ASTN2: variants seen among roughly 807,000 people sequenced by gnomAD.
ASTN2 encodes astrotactin-2.
ASTN2 carries 54 observed loss-of-function variants against 139.8 expected under a neutral mutation model. The observed-to-expected ratio is 0.39, with a 90% CI of 0.31 to 0.48. ASTN2 has a LOEUF of 0.48. Among genes scored for constraint, ASTN2 ranks in the 20% least tolerant of loss-of-function variants. The pLI is 0.95. For missense variants in ASTN2, 1,565 were observed against 1,725.1 expected (o/e 0.91, Z 1.64); for synonymous variants, 756 against 719.5 (o/e 1.05, Z -0.81).
intron 20 of ASTN2, among the ~76,000 whole-genome samples, chr9:116,486,619 A>C (rs1392976892): frequency 6.6e-6 from 1 of 152,216 alleles, no homozygotes; most frequent in Non-Finnish European, 1.5e-5. Context: ...GAGGTGAGCT[A>C]TCATTCCATA....
chr9:116,477,960 G>C (rs1849042297), intron 20 of ASTN2, among the ~76,000 whole-genome samples: 1 of 150,786 alleles, frequency 6.6e-6, no homozygotes, highest in East Asian at 2.0e-4. Context: ...CCAAGAAAGA[G>C]AGAACAAGAA....
chr9:117,286,108 A>T (rs1281585891), intron 2 of ASTN2, among the ~76,000 whole-genome samples: 2 of 152,202 alleles, frequency 1.3e-5, no homozygotes, highest in Admixed American at 1.3e-4. Context: ...GGAGAGGAGG[A>T]AAGAGTAGAA....
intron 5 of ASTN2, among the ~76,000 whole-genome samples, chr9:117,043,907 C>CAAAAAAAAAAAA (rs10713427): frequency 8.4e-6 from 1 of 119,342 alleles, no homozygotes; most frequent in African/African-American, 3.2e-5. Flanking sequence ...GACTCTGTCT[C>CAAAAAAAAAAAA]AAAAAAAAAA....
intron 13 of ASTN2, among the ~76,000 whole-genome samples, chr9:116,749,836 C>T (rs1046412275): frequency 2.6e-5 from 4 of 152,138 alleles, no homozygotes; most frequent in African/African-American, 9.7e-5. Flanking sequence ...TGGCACCTCC[C>T]CTTCTCTCTC....
intron 3 of ASTN2, among the ~76,000 whole-genome samples, chr9:117,200,968 T>A (rs1203484091): frequency 6.6e-6 from 1 of 150,862 alleles, no homozygotes; most frequent in African/African-American, 2.4e-5. Flanking sequence ...TCTGATAGAA[T>A]TCAGCTATGA....
At chr9:117,055,101 C>T (rs899106879) in intron 5 of ASTN2, among the ~76,000 whole-genome samples, 1 of 152,206 alleles carries the variant, frequency 6.6e-6, no homozygotes, top group African/African-American at 2.4e-5. Context: ...GGCTGCTGAC[C>T]AGTACCAGTC....
At chr9:116,863,269 A>G (rs1832938291) in intron 11 of ASTN2, among the ~76,000 whole-genome samples, 1 of 152,226 alleles carries the variant, frequency 6.6e-6, no homozygotes. Flanking sequence ...CACAGAGGTA[A>G]GGCATGCCCT....
intron 10 of ASTN2, among the ~76,000 whole-genome samples, chr9:116,921,679 G>A (rs1377314554): frequency 6.6e-6 from 1 of 152,040 alleles, no homozygotes; most frequent in African/African-American, 2.4e-5. Context: ...GGCTGGAGAG[G>A]CCTCAGGAAA....
chr9:117,402,984 A>G (rs1262679426), intron 1 of ASTN2, among the ~76,000 whole-genome samples: 1 of 152,214 alleles, frequency 6.6e-6, no homozygotes, highest in Non-Finnish European at 1.5e-5. Context: ...ACCCTCAGAC[A>G]TTTGCAAGTA....
At chr9:117,292,868 A>G (rs372019362) in intron 1 of ASTN2, among the ~76,000 whole-genome samples, 2 of 152,274 alleles carry the variant, frequency 1.3e-5, no homozygotes, top group African/African-American at 4.8e-5. Flanking sequence ...CTACCAAATC[A>G]CTTACTCATC....
chr9:116,608,541 AAAAG>A (rs1472497826), intron 19 of ASTN2, among the ~76,000 whole-genome samples: 1 of 152,168 alleles, frequency 6.6e-6, no homozygotes, highest in African/African-American at 2.4e-5. Context: ...TTCTCTGTGC[AAAAG>A]AGTTCAAAAT....
At chr9:117,143,255 T>C (rs1273404330) in intron 3 of ASTN2, among the ~76,000 whole-genome samples, 2 of 152,210 alleles carry the variant, frequency 1.3e-5, no homozygotes, top group African/African-American at 4.8e-5. Context: ...GATATCTTAA[T>C]TAGGTGTACT....
At chr9:116,574,502 T>C (rs1423805772) in intron 19 of ASTN2, among the ~76,000 whole-genome samples, 2 of 152,190 alleles carry the variant, frequency 1.3e-5, no homozygotes, top group African/African-American at 2.4e-5. Context: ...ATTGCAGCTA[T>C]GCAAAGAGAA....
At chr9:116,975,689 G>C (rs1202525421) in intron 9 of ASTN2, among the ~76,000 whole-genome samples, 4 of 152,168 alleles carry the variant, frequency 2.6e-5, no homozygotes, top group African/African-American at 9.7e-5. Context: ...GGGACAGTCT[G>C]GCACAAAGGT....
chr9:116,905,471 T>G, intron 10 of ASTN2, among the ~76,000 whole-genome samples: 1 of 152,094 alleles, frequency 6.6e-6, no homozygotes, highest in Non-Finnish European at 1.5e-5. Context: ...ACCCTTTCGT[T>G]AGTATAGAAG....
At chr9:117,337,784 C>G (rs912634573) in intron 1 of ASTN2, among the ~76,000 whole-genome samples, 1 of 152,124 alleles carries the variant, frequency 6.6e-6, no homozygotes, top group Non-Finnish European at 1.5e-5. Context: ...AATGAGTGAG[C>G]TCATAGCCAA....
chr9:116,858,491 G>A (rs1361520113), intron 11 of ASTN2, among the ~76,000 whole-genome samples: 1 of 152,172 alleles, frequency 6.6e-6, no homozygotes, highest in African/African-American at 2.4e-5. Context: ...TCCATACGAT[G>A]CTGTGATTAA....
chr9:116,741,508 C>G (rs567060027), intron 13 of ASTN2, among the ~76,000 whole-genome samples: 4 of 152,290 alleles, frequency 2.6e-5, no homozygotes, highest in South Asian at 4.1e-4. Context: ...CTGAACTGAG[C>G]CTTTATGCCA....
At chr9:117,090,941 C>A (rs13293579) in intron 5 of ASTN2, among the ~76,000 whole-genome samples, 16,637 of 152,302 alleles carry the variant, frequency 0.11, 1,121 homozygotes, top group Non-Finnish European at 0.16. Context: ...TGCCATGCAG[C>A]CTTCTGGCCT....
Sources: allele counts gnomAD v4.1 joint callset (sites outside exome capture counted in the v4.1 genomes callset), GRCh38; gene constraint gnomAD v4.1.1; transcripts MANE v1.5; gene names NCBI Gene and HGNC (gene_info 2026-07-23, HGNC 2026-07-21).